RBFOX1: variants seen among roughly 807,000 people sequenced by gnomAD.
RBFOX1 encodes the protein RNA binding protein fox-1 homolog 1.
Under a neutral mutation model 57.7 loss-of-function variants are expected in RBFOX1, and 8 were observed. The observed-to-expected ratio is 0.14, with a 90% confidence interval of 0.08 to 0.25. The LOEUF is 0.25. Among genes scored for constraint, RBFOX1 ranks in the 10% least tolerant of loss-of-function variants. RBFOX1 has a pLI of 1.00. For missense variants in RBFOX1, 611 were observed against 548.5 expected, an observed-to-expected ratio of 1.11 and a Z score of -1.14; for synonymous variants, 326 against 222.4, an observed-to-expected ratio of 1.47 and a Z score of -4.15.
At chr16:7,514,689 T>C (rs2075964952) in intron 4 of RBFOX1, among the ~76,000 whole-genome samples, 1 of 152,088 alleles carries the variant, frequency 6.6e-6, no homozygotes, top group Non-Finnish European at 1.5e-5. Flanking sequence ...TGAGGGGCAG[T>C]AAATGTGAAG....
At chr16:5,298,833 A>C (rs561861301) in intron 1 of RBFOX1, among the ~76,000 whole-genome samples, 47 of 49,944 alleles carry the variant, frequency 9.4e-4, no homozygotes, top group African/African-American at 3.0e-3. Flanking sequence ...AGAGGCAGAA[A>C]AAAAGCAATA....
intron 4 of RBFOX1, among the ~76,000 whole-genome samples, chr16:5,883,356 C>T (rs1235060948): frequency 6.6e-6 from 1 of 152,066 alleles, no homozygotes; most frequent in African/African-American, 2.4e-5. Flanking sequence ...ACAATAACAA[C>T]AAAAATACAA....
chr16:7,090,659 T>C (rs2060678878), intron 4 of RBFOX1, among the ~76,000 whole-genome samples: 1 of 151,796 alleles, frequency 6.6e-6, no homozygotes, highest in African/African-American at 2.4e-5. Context: ...TTTCCCTGAG[T>C]GAGTACAGGT....
chr16:7,031,925 T>G (rs1371398582), intron 3 of RBFOX1, among the ~76,000 whole-genome samples: 1 of 152,150 alleles, frequency 6.6e-6, no homozygotes, highest in South Asian at 2.1e-4. Flanking sequence ...AGGCCCTGCT[T>G]TCTTCCAGCA....
chr16:6,913,412 ATTGT>A (rs1018326113), intron 3 of RBFOX1, among the ~76,000 whole-genome samples: 2 of 152,054 alleles, frequency 1.3e-5, no homozygotes, highest in African/African-American at 4.8e-5. Flanking sequence ...AAGCCACGGC[ATTGT>A]TTGAGAACAT....
intron 3 of RBFOX1, among the ~76,000 whole-genome samples, chr16:5,786,912 G>A (rs1303284515): frequency 6.6e-6 from 1 of 152,128 alleles, no homozygotes; most frequent in African/African-American, 2.4e-5. Flanking sequence ...AAGGTGGGTG[G>A]GTCACTTGAG....
chr16:6,920,010 C>T (rs1026025005), intron 3 of RBFOX1, among the ~76,000 whole-genome samples: 2 of 152,046 alleles, frequency 1.3e-5, no homozygotes, highest in South Asian at 2.1e-4. Flanking sequence ...GCTTAGCTCT[C>T]CCTTATAAGA....
chr16:7,072,545 TG>T (rs1218645021), intron 4 of RBFOX1, among the ~76,000 whole-genome samples: 1 of 152,250 alleles, frequency 6.6e-6, no homozygotes, highest in Admixed American at 6.5e-5. Context: ...TATTGTTTTT[TG>T]TTGTTAATAC....
At chr16:7,320,343 C>T (rs936714099) in intron 4 of RBFOX1, among the ~76,000 whole-genome samples, 2 of 152,050 alleles carry the variant, frequency 1.3e-5, no homozygotes, top group Admixed American at 1.3e-4. Flanking sequence ...GTTTTCTGTT[C>T]TTGTGTTAGT....
intron 1 of RBFOX1, among the ~76,000 whole-genome samples, chr16:6,242,860 T>C (rs1461641013): frequency 6.6e-6 from 1 of 152,102 alleles, no homozygotes; most frequent in Non-Finnish European, 1.5e-5. Flanking sequence ...ACACTGAAGG[T>C]TGAGTTTTTA....
At chr16:6,858,482 G>A (rs575496629) in intron 3 of RBFOX1, among the ~76,000 whole-genome samples, 3 of 152,212 alleles carry the variant, frequency 2.0e-5, no homozygotes, top group East Asian at 1.9e-4. Context: ...TTTGGTTTCC[G>A]GGCAGAGGTA....
At chr16:6,570,733 G>A (rs2097333719) in intron 2 of RBFOX1, among the ~76,000 whole-genome samples, 1 of 152,126 alleles carries the variant, frequency 6.6e-6, no homozygotes, top group African/African-American at 2.4e-5. Flanking sequence ...TATAGCAGAT[G>A]GCAGAATTTA....
At chr16:5,781,520 A>G (rs1394661933) in intron 3 of RBFOX1, among the ~76,000 whole-genome samples, 2 of 152,214 alleles carry the variant, frequency 1.3e-5, no homozygotes, top group South Asian at 4.1e-4. Context: ...TAGGAAAGGA[A>G]TTGGCAAACT....
At chr16:5,301,194 G>C (rs138826247) in intron 1 of RBFOX1, among the ~76,000 whole-genome samples, 180 of 152,290 alleles carry the variant, frequency 1.2e-3, no homozygotes, top group African/African-American at 4.1e-3. Flanking sequence ...CTATTTGCTT[G>C]TTCTAATGGA....
chr16:6,654,867 T>A (rs868288776), intron 3 of RBFOX1, among the ~76,000 whole-genome samples: 1 of 137,592 alleles, frequency 7.3e-6, no homozygotes, highest in African/African-American at 2.6e-5. Flanking sequence ...ATATTGTAAT[T>A]TTTTACAAAA....
chr16:6,632,166 C>G (rs990243336), intron 2 of RBFOX1, among the ~76,000 whole-genome samples: 1 of 152,098 alleles, frequency 6.6e-6, no homozygotes, highest in African/African-American at 2.4e-5. Flanking sequence ...CCTTCACTTC[C>G]TCCTCCTTGA....
intron 4 of RBFOX1, among the ~76,000 whole-genome samples, chr16:7,329,425 A>G (rs2096655269): frequency 1.3e-5 from 2 of 152,212 alleles, no homozygotes; most frequent in African/African-American, 4.8e-5. Flanking sequence ...TGGGGAATGG[A>G]AAGACACACG....
intron 3 of RBFOX1, among the ~76,000 whole-genome samples, chr16:5,815,077 G>A (rs551345460): frequency 4.0e-5 from 6 of 151,854 alleles, no homozygotes; most frequent in African/African-American, 1.2e-4. Context: ...CCAACCTCCT[G>A]GGTTCAACAA....
chr16:7,021,033 C>T (rs752207494), intron 3 of RBFOX1, among the ~76,000 whole-genome samples: 12 of 152,216 alleles, frequency 7.9e-5, no homozygotes, highest in African/African-American at 2.2e-4. Context: ...GAGGCTGAGG[C>T]AGGAGAATCG....
Sources: gnomAD v4.1 joint callset for allele counts (sites outside exome capture counted in the v4.1 genomes callset) on GRCh38, gnomAD v4.1.1 for gene constraint, MANE v1.5 for transcripts, NCBI Gene and HGNC (gene_info 2026-07-23, HGNC 2026-07-21) for gene names.